The following BCAS3 variants were observed in gnomAD, a reference collection of about 807,000 sequenced individuals.
BCAS3 encodes the protein BCAS3 microtubule associated cell migration factor, also known as BCAS4/BCAS3 fusion.
Under a neutral mutation model 116.1 loss-of-function variants are expected in BCAS3, and 53 were observed. That is an observed-to-expected ratio of 0.46 (90% confidence interval 0.37 to 0.57). The LOEUF is 0.57. BCAS3 is among the 20% of genes least tolerant of loss of function. The probability of loss-of-function intolerance (pLI) is 0.00; values close to 1 mark genes in which losing one functional copy is unlikely to be tolerated. For synonymous variants in BCAS3, 391 were observed against 408.2 expected (o/e 0.96, Z 0.51); for missense variants, 917 against 1,165.4 (o/e 0.79, Z 3.10).
rs528212146 is a variant in BCAS3, at chr17:60,748,231, A to T, written c.403+952A>T. Among the ~76,000 whole-genome samples, 9 of 152,346 alleles carry T rather than the reference A, an allele frequency of 5.9e-5. No individual in the cohort carries two copies. The South Asian group carries it at 1.9e-3, about 32-fold the overall frequency. On this transcript the variant is annotated intron_variant, in intron 6 of 23. Coordinates refer to ENST00000407086, the MANE Select transcript of BCAS3 (RefSeq NM_017679.5). Reference sequence around the variant, plus strand: ...AACTTATGACATTGTGATTGTGTGTAAATAATTTAGGGATTAATTTAGCAA... The same window carrying T: ...AACTTATGACATTGTGATTGTGTGTTAATAATTTAGGGATTAATTTAGCAA...
At chr17:60,946,605 T>C (rs2060511733) in intron 13 of BCAS3, among the ~76,000 whole-genome samples, 1 of 152,118 alleles carries the variant, frequency 6.6e-6, no homozygotes, top group Admixed American at 6.6e-5. Flanking sequence ...ATTTTCACAT[T>C]CTTTGTTTTG....
rs186670418 is a variant in BCAS3 at position 60,961,699 on chromosome 17, C to T, written c.1221+14347C>T. On this transcript the variant is annotated intron_variant, in intron 14 of 23. Transcript: ENST00000407086. The surrounding 1 kb of genome is among the most constrained non-coding windows in gnomAD (Gnocchi z 4.8). Reference sequence around the variant, plus strand: ...AAATACATTTCTATTCCTTTTCTTCCCCTTCATTCACCCTGCCCCACACTT... The same window carrying T: ...AAATACATTTCTATTCCTTTTCTTCTCCTTCATTCACCCTGCCCCACACTT... Among the ~76,000 whole-genome samples, 46 of 151,800 alleles carry T rather than the reference C, an allele frequency of 3.0e-4. No homozygotes were observed. The highest frequency in any genetic ancestry group is 3.4e-3 in the Middle Eastern group (1 of 292).
At chr17:61,329,778 T>C (rs780651885) in intron 22 of BCAS3, among the ~76,000 whole-genome samples, 3 of 115,354 alleles carry the variant, frequency 2.6e-5, no homozygotes, top group Non-Finnish European at 6.1e-5. Flanking sequence ...CATCCTACGT[T>C]CGTCCTCGGC....
At chr17:61,350,393 C>T (rs376206736) in intron 22 of BCAS3, among the ~76,000 whole-genome samples, 18 of 148,948 alleles carry the variant, frequency 1.2e-4, no homozygotes, top group African/African-American at 3.7e-4. Context: ...CCAGCCTGGG[C>T]GACAGAGCGA....
intron 4 of BCAS3, among the ~76,000 whole-genome samples, chr17:60,690,392 C>T (rs576028661): frequency 4.0e-5 from 6 of 151,380 alleles, no homozygotes; most frequent in East Asian, 2.0e-4. Flanking sequence ...CAACATAGCG[C>T]GACCTTGTCT....
At chr17:61,062,550 T>C (rs953451567) in intron 19 of BCAS3, among the ~76,000 whole-genome samples, 1 of 152,200 alleles carries the variant, frequency 6.6e-6, no homozygotes, top group Non-Finnish European at 1.5e-5. Flanking sequence ...TGAGTTGCAC[T>C]AGTGTGAGTT....
chr17:61,078,954 A>G (rs2072287677), intron 21 of BCAS3, among the ~76,000 whole-genome samples: 2 of 152,324 alleles, frequency 1.3e-5, no homozygotes, highest in South Asian at 4.1e-4. Flanking sequence ...TTGGATGGAA[A>G]AACGTTGGTA....
chr17:61,049,521 A>C (rs1400576123), intron 19 of BCAS3, among the ~76,000 whole-genome samples: 1 of 151,788 alleles, frequency 6.6e-6, no homozygotes, highest in Non-Finnish European at 1.5e-5. Flanking sequence ...TCCAAATTTG[A>C]TATAAACTAT....
chr17:60,867,117 T>G (rs1019366128), intron 7 of BCAS3, among the ~76,000 whole-genome samples: 5 of 151,514 alleles, frequency 3.3e-5, no homozygotes, highest in Admixed American at 6.6e-5. Flanking sequence ...TGTTTTTGTT[T>G]TTTTTTTTTG....
At chr17:60,682,606 T>A (rs112235520) in intron 2 of BCAS3, among the ~76,000 whole-genome samples, 8 of 152,154 alleles carry the variant, frequency 5.3e-5, no homozygotes, top group Non-Finnish European at 8.8e-5. Context: ...CACTGCAACC[T>A]CCACCTCTTG....
chr17:60,892,605 G>A (rs1484011440), intron 10 of BCAS3, among the ~76,000 whole-genome samples: 2 of 148,484 alleles, frequency 1.3e-5, no homozygotes, highest in Non-Finnish European at 1.5e-5. Context: ...CCCAGCGTCC[G>A]GCCGTTTTTG....
intron 5 of BCAS3, among the ~76,000 whole-genome samples, chr17:60,731,780 A>ATTTTTTTTTT (rs538038279): frequency 0.019 from 2,342 of 125,526 alleles, 98 homozygotes; most frequent in African/African-American, 0.064. Flanking sequence ...TCACCCTCCT[A>ATTTTTTTTTT]TTTTTTTTTT....
rs1484219410 is a variant in BCAS3 at position 61,135,774 on chromosome 17, G to A, written c.2425+51210G>A. ...ATAAGTTTTAATGCAACAGAGTCATGTCTGTTCACTTATGTATTATCTATG... is the reference window on the plus strand; with the variant it reads ...ATAAGTTTTAATGCAACAGAGTCATATCTGTTCACTTATGTATTATCTATG... On this transcript the variant is annotated intron_variant, in intron 22 of 23. Coordinates refer to ENST00000407086, the MANE Select transcript of BCAS3 (RefSeq NM_017679.5). The A allele has an allele frequency of 2.0e-5, 3 of 152,368 alleles. No individual in the cohort carries two copies. In the East Asian group the frequency reaches 5.8e-4, roughly 29 times the overall value. The allele number at this position is 152,368 out of a possible 1,614,324, so 9.4% of individuals were successfully genotyped here.
At chr17:61,109,682 T>A (rs1176034254) in intron 22 of BCAS3, among the ~76,000 whole-genome samples, 1 of 152,200 alleles carries the variant, frequency 6.6e-6, no homozygotes, top group Admixed American at 6.5e-5. Flanking sequence ...TTGATTTGCG[T>A]TTCCATAGTG....
At chr17:60,741,657 C>T (rs1208835663) in intron 5 of BCAS3, among the ~76,000 whole-genome samples, 1 of 152,146 alleles carries the variant, frequency 6.6e-6, no homozygotes, top group Non-Finnish European at 1.5e-5. Flanking sequence ...AGTTACCATG[C>T]ATCTATTGAT....
chr17:61,192,007 G>T (rs2080161961), intron 22 of BCAS3, among the ~76,000 whole-genome samples: 1 of 151,938 alleles, frequency 6.6e-6, no homozygotes, highest in Non-Finnish European at 1.5e-5. Flanking sequence ...CACTTTGGGA[G>T]GCCGAGGCGG....
intron 7 of BCAS3, among the ~76,000 whole-genome samples, chr17:60,831,132 A>G (rs1451215960): frequency 2.6e-5 from 4 of 151,916 alleles, no homozygotes; most frequent in African/African-American, 7.3e-5. Flanking sequence ...GATTACAGGC[A>G]TGAGCCACTG....
At chr17:61,067,515 G>A (rs968409033) in intron 19 of BCAS3, among the ~76,000 whole-genome samples, 1 of 148,636 alleles carries the variant, frequency 6.7e-6, no homozygotes, top group Non-Finnish European at 1.5e-5. Flanking sequence ...TCAAAAGATC[G>A]AGACCATCCT....
rs1207522105 is a variant in BCAS3, at chr17:61,073,576, T to C, written c.2030-1344T>C. 6.6e-6 allele frequency among the ~76,000 whole-genome samples: 1 copy of C among 152,224 alleles called. No individual in the cohort carries two copies. The highest frequency in any genetic ancestry group is 1.9e-4 in the East Asian group (1 of 5,198). ...CTGGGAACATATATTAAGAAATTTATATATTTACATCCTCTGATTTCATAT... is the reference window on the plus strand; with the variant it reads ...CTGGGAACATATATTAAGAAATTTACATATTTACATCCTCTGATTTCATAT... On this transcript the variant is annotated intron_variant, in intron 19 of 23. Coordinates refer to ENST00000407086, the MANE Select transcript of BCAS3 (RefSeq NM_017679.5). The surrounding 1 kb of genome is among the most constrained non-coding windows in gnomAD (Gnocchi z 4.6).
Sources: allele counts gnomAD v4.1 joint callset (sites outside exome capture counted in the v4.1 genomes callset), GRCh38; gene constraint gnomAD v4.1.1; non-coding constraint Gnocchi (gnomAD v3.1); transcripts MANE v1.5; gene names NCBI Gene and HGNC (gene_info 2026-07-23, HGNC 2026-07-21).